Variants in GALNTL6 observed in about 807,000 individuals in gnomAD.
The protein encoded by GALNTL6 is polypeptide N-acetylgalactosaminyltransferase-like 6.
In GALNTL6, 46 loss-of-function variants were observed where a neutral mutation model predicts 73.7. The observed-to-expected ratio is 0.62, with a 90% CI of 0.49 to 0.80. The LOEUF (loss-of-function observed/expected upper bound fraction) is 0.80, where lower values mean the gene tolerates loss of function less well. Among genes scored for constraint, GALNTL6 ranks in the 30% least tolerant of loss-of-function variants. The probability of loss-of-function intolerance (pLI) is 0.00; values close to 1 mark genes in which losing one functional copy is unlikely to be tolerated. For synonymous variants in GALNTL6, 259 were observed against 263.7 expected, an observed-to-expected ratio of 0.98 and a Z score of 0.17; for missense variants, 604 against 755.0, an observed-to-expected ratio of 0.80 and a Z score of 2.34.
chr4:172,764,683 TA>T (rs201524963), intron 5 of GALNTL6, among the ~76,000 whole-genome samples: 3 of 151,202 alleles, frequency 2.0e-5, no homozygotes, highest in Admixed American at 6.6e-5. Flanking sequence ...CACCTGAAAG[TA>T]AAAAAAAATC....
At chr4:172,815,422 G>A (rs149145640) in intron 7 of GALNTL6, among the ~76,000 whole-genome samples, 3 of 152,244 alleles carry the variant, frequency 2.0e-5, no homozygotes, top group Admixed American at 6.5e-5. Flanking sequence ...GCCACAGTTC[G>A]GCCGCTATGA....
At chr4:173,015,274 C>A (rs1409374454) in intron 11 of GALNTL6, among the ~76,000 whole-genome samples, 1 of 152,144 alleles carries the variant, frequency 6.6e-6, no homozygotes, top group Non-Finnish European at 1.5e-5. Flanking sequence ...GGGTAGGGTG[C>A]TGCTATAAGG....
At chr4:172,420,346 C>T (rs560355235) in intron 5 of GALNTL6, among the ~76,000 whole-genome samples, 107 of 152,290 alleles carry the variant, frequency 7.0e-4, no homozygotes, top group African/African-American at 2.5e-3. Flanking sequence ...CATAAAAAGT[C>T]CCGTATTGGG....
chr4:172,402,668 T>TG (rs1744083672), intron 5 of GALNTL6, among the ~76,000 whole-genome samples: 2 of 151,924 alleles, frequency 1.3e-5, no homozygotes, highest in Non-Finnish European at 1.5e-5. Flanking sequence ...ACGAATCTTG[T>TG]GAAAAAAAAG....
chr4:171,869,040 A>G (rs1229559564), intron 2 of GALNTL6, among the ~76,000 whole-genome samples: 1 of 152,188 alleles, frequency 6.6e-6, no homozygotes, highest in Admixed American at 6.5e-5. Flanking sequence ...TAGCTTAACA[A>G]CTTCATGTAA....
rs139664688 is a variant in GALNTL6 at position 173,029,882 on chromosome 4, G to A, written c.1638+8257G>A. Reference sequence around the variant, plus strand: ...TTTGTTTCATCCACAGATTGGATCAGCATCCATTCATGCCTTCATCTAAAT... The same window carrying A: ...TTTGTTTCATCCACAGATTGGATCAACATCCATTCATGCCTTCATCTAAAT... On this transcript the variant is annotated intron_variant, in intron 12 of 12. Coordinates refer to ENST00000506823, the MANE Select transcript of GALNTL6 (RefSeq NM_001034845.3). Among the ~76,000 whole-genome samples, 1,249 of 152,292 alleles carry A rather than the reference G, an allele frequency of 8.2e-3. 7 individuals carry two copies. Among genetic ancestry groups the A allele is most frequent in the South Asian group, 0.033 (160 of 4,824 alleles).
chr4:172,318,396 G>C (rs1025331642), intron 4 of GALNTL6, among the ~76,000 whole-genome samples: 1 of 152,110 alleles, frequency 6.6e-6, no homozygotes. Context: ...AGACCATGAG[G>C]CTGGGTCTTT....
chr4:172,201,110 T>C (rs1305539084), intron 2 of GALNTL6, among the ~76,000 whole-genome samples: 2 of 151,906 alleles, frequency 1.3e-5, no homozygotes, highest in African/African-American at 4.8e-5. Context: ...CTGAAACAAC[T>C]GGAACCAAAA....
At chr4:172,613,436 T>A (rs1390485594) in intron 5 of GALNTL6, among the ~76,000 whole-genome samples, 1 of 151,678 alleles carries the variant, frequency 6.6e-6, no homozygotes, top group Non-Finnish European at 1.5e-5. Context: ...CTACTAGATG[T>A]GTTTGAGAGC....
chr4:172,855,988 G>C (rs73000162), intron 7 of GALNTL6, among the ~76,000 whole-genome samples: 299 of 152,240 alleles, frequency 2.0e-3, no homozygotes, highest in African/African-American at 4.5e-3. Flanking sequence ...GGTTGTCCAG[G>C]CCAACGATCC....
chr4:171,993,775 A>G (rs2110742784), intron 2 of GALNTL6, among the ~76,000 whole-genome samples: 1 of 151,848 alleles, frequency 6.6e-6, no homozygotes, highest in African/African-American at 2.4e-5. Flanking sequence ...AGCATGGAAA[A>G]CTTGGAGAAA....
intron 5 of GALNTL6, among the ~76,000 whole-genome samples, chr4:172,375,462 C>T (rs1742992131): frequency 6.6e-6 from 1 of 152,154 alleles, no homozygotes; most frequent in African/African-American, 2.4e-5. Context: ...GAGTGTTTCC[C>T]ATCTGAAAGA....
At position 172,606,641 on chromosome 4, in the gene GALNTL6, C is replaced by CTATA. The variant is rs369076529; in HGVS notation, c.554-202713_554-202710dup. Among the ~76,000 whole-genome samples the CTATA allele has an allele frequency of 5.0e-3, 186 of 37,334 alleles. 1 individual carries two copies. Among genetic ancestry groups the CTATA allele is most frequent in the African/African-American group, 1.0e-2 (177 of 17,768 alleles). 24.5% of individuals were successfully genotyped at this position (37,334 alleles called of 152,430 possible). On this transcript the variant is annotated intron_variant, in intron 5 of 12. Transcript: ENST00000506823. Reference sequence around the variant, plus strand: ...ATAGTATATATATACTATATATATACTATATATATAGTATATATATACTAT... The same window carrying CTATA: ...ATAGTATATATATACTATATATATACTATATATATATATAGTATATATATACTAT...
intron 2 of GALNTL6, among the ~76,000 whole-genome samples, chr4:172,212,586 C>CA (rs1190837039): frequency 6.6e-6 from 1 of 152,170 alleles, no homozygotes. Flanking sequence ...TTTCATCACC[C>CA]TAGATAATTA....
intron 4 of GALNTL6, among the ~76,000 whole-genome samples, chr4:172,323,404 C>T (rs1740826834): frequency 2.0e-5 from 3 of 152,092 alleles, no homozygotes; most frequent in Admixed American, 2.0e-4. Context: ...AATACGCTGA[C>T]ATTAACACAA....
intron 2 of GALNTL6, among the ~76,000 whole-genome samples, chr4:171,948,174 GA>G (rs5864100): frequency 0.98 from 148,157 of 151,458 alleles, 72,546 homozygotes; most frequent in Middle Eastern, 1. Flanking sequence ...TCAATTTTTG[GA>G]AAAAAAAAAT....
chr4:172,138,495 ATATATATATATATATATATTTTTTTTTTT>A (rs1394143066), intron 2 of GALNTL6, among the ~76,000 whole-genome samples: 1 of 6,102 alleles, frequency 1.6e-4, no homozygotes, highest in Non-Finnish European at 3.9e-4. Context: ...ATATATATAT[ATATATATATATATATATATTTTTTTTTTT>A]TTTTTTTTTT....
At position 172,437,043 on chromosome 4, in the gene GALNTL6, T is replaced by G. The variant is rs77491276; in HGVS notation, c.553+88354T>G. Among the ~76,000 whole-genome samples, 437 of 152,208 alleles carry G rather than the reference T, an allele frequency of 2.9e-3. 1 individual carries two copies. The highest frequency in any genetic ancestry group is 4.1e-3 in the Non-Finnish European group (279 of 68,002). On this transcript the variant is annotated intron_variant, in intron 5 of 12. Transcript: ENST00000506823. The stretch of plus-strand genomic sequence containing the variant: ...TTTTGCACATATATATAAACACTTG[T>G]GAGGCCACCACACAAATCAAGATGT...
chr4:172,649,628 G>T (rs1483374983), intron 5 of GALNTL6, among the ~76,000 whole-genome samples: 1 of 151,960 alleles, frequency 6.6e-6, no homozygotes, highest in Non-Finnish European at 1.5e-5. Flanking sequence ...TATCTAAGAA[G>T]CACAGCAATT....
Sources: allele counts gnomAD v4.1 joint callset (sites outside exome capture counted in the v4.1 genomes callset), GRCh38; gene constraint gnomAD v4.1.1; transcripts MANE v1.5; gene names NCBI Gene and HGNC (gene_info 2026-07-23, HGNC 2026-07-21).